Variants in PLCL2 observed in about 807,000 individuals in gnomAD.
PLCL2 encodes the protein inactive phospholipase C-like protein 2.
Under a neutral mutation model 79.6 loss-of-function variants are expected in PLCL2, and 4 were observed. The ratio of observed to expected loss-of-function variants is 0.05; its 90% confidence interval spans 0.02 to 0.11. PLCL2 has a LOEUF of 0.11. PLCL2 is among the 10% of genes least tolerant of loss of function. The pLI, the probability that PLCL2 is intolerant of heterozygous loss-of-function variation, is 1.00. For missense variants in PLCL2, 895 were observed against 1,291.0 expected, an observed-to-expected ratio of 0.69 and a Z score of 4.70; for synonymous variants, 484 against 457.7, an observed-to-expected ratio of 1.06 and a Z score of -0.73.
intron 1 of PLCL2, among the ~76,000 whole-genome samples, chr3:16,958,858 C>T (rs1012127903): frequency 3.9e-5 from 6 of 152,198 alleles, no homozygotes; most frequent in African/African-American, 1.4e-4. Flanking sequence ...CTGCTGGTTC[C>T]CTTTGGCTTT....
At chr3:17,051,515 T>C (rs187325814) in intron 4 of PLCL2, among the ~76,000 whole-genome samples, 2 of 150,494 alleles carry the variant, frequency 1.3e-5, no homozygotes, top group Admixed American at 6.7e-5. Context: ...AGGTGTTTAA[T>C]GAAGCTGAAA....
intron 5 of PLCL2, among the ~76,000 whole-genome samples, chr3:17,078,690 G>A (rs1055706135): frequency 2.0e-5 from 3 of 152,170 alleles, no homozygotes; most frequent in African/African-American, 7.2e-5. Context: ...GCACCTGGTA[G>A]ACATTTGTCT....
At chr3:17,026,956 A>G (rs1014220281) in intron 3 of PLCL2, among the ~76,000 whole-genome samples, 14 of 152,180 alleles carry the variant, frequency 9.2e-5, no homozygotes, top group African/African-American at 2.9e-4. Flanking sequence ...AGAAACAGCT[A>G]TTTCATTATT....
At chr3:16,896,732 G>C (rs1021297962) in intron 1 of PLCL2, among the ~76,000 whole-genome samples, 1 of 151,916 alleles carries the variant, frequency 6.6e-6, no homozygotes, top group Admixed American at 6.6e-5. Context: ...TCAGGTGGTC[G>C]GTCAACAGAG....
intron 1 of PLCL2, among the ~76,000 whole-genome samples, chr3:17,000,074 TTGTAGAGCCTC>T (rs2064193144): frequency 6.6e-6 from 1 of 152,178 alleles, no homozygotes; most frequent in South Asian, 2.1e-4. Context: ...AATCACAGTC[TTGTAGAGCCTC>T]TGAAACTCCC....
At chr3:17,042,431 TAAACTG>T (rs2064734629) in intron 3 of PLCL2, among the ~76,000 whole-genome samples, 1 of 152,244 alleles carries the variant, frequency 6.6e-6, no homozygotes, top group South Asian at 2.1e-4. Flanking sequence ...TTGTATGTTT[TAAACTG>T]AATTTCAGAT....
At chr3:17,082,276 TG>T (rs1272948044) in intron 5 of PLCL2, among the ~76,000 whole-genome samples, 3 of 151,472 alleles carry the variant, frequency 2.0e-5, no homozygotes, top group Non-Finnish European at 4.4e-5. Context: ...CCCAAGTAGC[TG>T]GGTTTACAGG....
In PLCL2 at chr3:17,001,173, G is replaced by A. The variant is rs78808478; in HGVS notation, c.328-8501G>A. Among the ~76,000 whole-genome samples, 93 of 151,930 alleles carry A rather than the reference G, an allele frequency of 6.1e-4. No homozygotes were observed. The East Asian group carries it at 0.01, about 17-fold the overall frequency. On this transcript the variant is annotated intron_variant, in intron 1 of 5. Transcript: ENST00000615277. ...TCCCTGATGATTAGTGATGCTGAGC[G>A]TTTTTTCATATACTTGTTGGCCATT...
At chr3:16,891,048 A>G (rs902572580) in intron 1 of PLCL2, among the ~76,000 whole-genome samples, 7 of 152,302 alleles carry the variant, frequency 4.6e-5, no homozygotes, top group African/African-American at 1.7e-4. Flanking sequence ...AATTAGGTGA[A>G]CCATATTTTA....
rs2063319497 is a variant in PLCL2, at chr3:16,987,833, T to C, written c.328-21841T>C. Among the ~76,000 whole-genome samples the C allele has an allele frequency of 1.3e-5, 2 of 152,176 alleles. 1 individual carries two copies. Among genetic ancestry groups the C allele is most frequent in the South Asian group, 4.1e-4 (2 of 4,824 alleles). ...GATTATAAAAAGCACTATTTGTCTT[T>C]TACTAAATGTAAAGGACAGCACAAA... On this transcript the variant is annotated intron_variant, in intron 1 of 5. Coordinates refer to ENST00000615277, the MANE Select transcript of PLCL2 (RefSeq NM_001144382.2).
chr3:16,971,890 C>T (rs1233218308), intron 1 of PLCL2, among the ~76,000 whole-genome samples: 1 of 152,128 alleles, frequency 6.6e-6, no homozygotes. Flanking sequence ...GATTTTCGTA[C>T]ATTGATTCCA....
intron 5 of PLCL2, among the ~76,000 whole-genome samples, chr3:17,069,921 GA>G (rs1488812914): frequency 6.6e-5 from 10 of 152,052 alleles, no homozygotes; most frequent in Non-Finnish European, 1.5e-4. Flanking sequence ...AATTTACAAC[GA>G]AAAAGGATTT....
intron 5 of PLCL2, among the ~76,000 whole-genome samples, chr3:17,076,639 A>G (rs2065110670): frequency 6.6e-6 from 1 of 151,946 alleles, no homozygotes; most frequent in Non-Finnish European, 1.5e-5. Flanking sequence ...AGTAGCTGGG[A>G]CCACAGGCAC....
rs576224388 is a variant in PLCL2 at position 16,980,729 on chromosome 3, G to A, written c.328-28945G>A. On this transcript the variant is annotated intron_variant, in intron 1 of 5. Transcript: ENST00000615277. The stretch of plus-strand genomic sequence containing the variant: ...CGGAGACGCCCCTCGCTTCCCAGAC[G>A]GGGTGGCGGCCGGGCAGAGGCTGCA... 2.1e-4 allele frequency among the ~76,000 whole-genome samples: 32 copies of A among 152,336 alleles called. No individual in the cohort carries two copies. The South Asian group carries it at 5.4e-3, about 26-fold the overall frequency.
intron 1 of PLCL2, among the ~76,000 whole-genome samples, chr3:16,935,793 T>TA (rs1270044981): frequency 1.3e-5 from 2 of 152,084 alleles, no homozygotes; most frequent in African/African-American, 4.8e-5. Context: ...GTGCCATTGC[T>TA]AAAAAATAAA....
intron 1 of PLCL2, among the ~76,000 whole-genome samples, chr3:16,885,786 G>A (rs751689929): frequency 1.7e-4 from 26 of 152,210 alleles, no homozygotes; most frequent in Non-Finnish European, 3.5e-4. Context: ...CGAACAGAGG[G>A]TGAACAGAGA....
At chr3:16,995,813 C>T (rs534344993) in intron 1 of PLCL2, among the ~76,000 whole-genome samples, 2 of 152,272 alleles carry the variant, frequency 1.3e-5, no homozygotes, top group East Asian at 3.9e-4. Context: ...TAAATTTTTT[C>T]AGCCTGAATT....
chr3:16,912,984 GTTC>G (rs975912084), intron 1 of PLCL2, among the ~76,000 whole-genome samples: 7 of 152,104 alleles, frequency 4.6e-5, no homozygotes, highest in Admixed American at 2.6e-4. Flanking sequence ...CCTTCCTTCT[GTTC>G]TTCTCCCTTT....
chr3:17,054,064 T>A (rs930190777), intron 4 of PLCL2, among the ~76,000 whole-genome samples: 2 of 152,168 alleles, frequency 1.3e-5, no homozygotes, highest in Non-Finnish European at 2.9e-5. Context: ...CAGTTTCAGG[T>A]CATTTCTCTT....
Sources: allele counts gnomAD v4.1 joint callset (sites outside exome capture counted in the v4.1 genomes callset), GRCh38; gene constraint gnomAD v4.1.1; transcripts MANE v1.5; gene names NCBI Gene and HGNC (gene_info 2026-07-23, HGNC 2026-07-21).